The following FAM20A variants were observed in gnomAD, a reference collection of about 807,000 sequenced individuals.
FAM20A encodes pseudokinase FAM20A.
A neutral mutation model predicts 52.0 loss-of-function variants in FAM20A; 42 were observed. The ratio of observed to expected loss-of-function variants is 0.81; its 90% CI spans 0.63 to 1.04. The LOEUF is 1.04. Ranked by LOEUF, FAM20A falls within the 50% of genes least tolerant of loss-of-function variation. FAM20A has a pLI of 0.00. For synonymous variants in FAM20A, 304 were observed against 298.9 expected, an observed-to-expected ratio of 1.02 and a Z score of -0.18; for missense variants, 742 against 712.7, an observed-to-expected ratio of 1.04 and a Z score of -0.47.
intron 1 of FAM20A, among the ~76,000 whole-genome samples, chr17:68,595,994 C>CT (rs1222812456): frequency 6.6e-6 from 1 of 152,196 alleles, no homozygotes; most frequent in African/African-American, 2.4e-5. Context: ...CCCTTCTCCT[C>CT]TATCTGCCTT....
At position 68,548,268 on chromosome 17, in the gene FAM20A, G is replaced by A. The variant is rs569775747; in HGVS notation, c.719+3605C>T. 7.2e-5 allele frequency among the ~76,000 whole-genome samples: 11 copies of A among 152,064 alleles called. No homozygotes were observed. In the East Asian group the frequency reaches 1.7e-3, roughly 24 times the overall value. On this transcript the variant is annotated intron_variant, in intron 4 of 10. Coordinates refer to ENST00000592554, the MANE Select transcript of FAM20A (RefSeq NM_017565.4). ...AAATTAGCTGGGCATGGTGGCACAC[G>A]CCTATAATCCCAGCACTTTGGGAGG...
At chr17:68,580,475 C>G (rs1026788464) in intron 1 of FAM20A, among the ~76,000 whole-genome samples, 2 of 152,238 alleles carry the variant, frequency 1.3e-5, no homozygotes, top group Non-Finnish European at 1.5e-5. Context: ...CCTCTTGTTT[C>G]CACTCCAGCT....
rs1348951364 is a variant in FAM20A at position 68,535,963 on chromosome 17, A to G, written c.*1514T>C. ...TGAGATTTAAAGTTCTTCCATGCAC[A>G]TTGGAGGATGGGGGTTGTATCTGTG... On this transcript the variant is annotated 3_prime_UTR_variant, in exon 11 of 11. Coordinates refer to ENST00000592554, the MANE Select transcript of FAM20A (RefSeq NM_017565.4). 2 of 454,006 alleles carry G rather than the reference A, an allele frequency of 4.4e-6. No individual in the cohort carries two copies. Among genetic ancestry groups the G allele is most frequent in the African/African-American group, 2.0e-5 (1 of 49,996 alleles). The allele number at this position is 454,006 out of a possible 1,614,324, so 28.1% of individuals were successfully genotyped here. A position where few individuals can be genotyped will look rare whatever the true frequency, so the allele number is the denominator to read the frequency against.
intron 5 of FAM20A, among the ~76,000 whole-genome samples, chr17:68,543,149 T>C (rs746319566): frequency 3.9e-5 from 6 of 152,174 alleles, no homozygotes; most frequent in Non-Finnish European, 1.5e-5. Context: ...CAGGGTCTGA[T>C]TGAGTGGTTC....
At chr17:68,596,254 A>G (rs1238922899) in intron 1 of FAM20A, among the ~76,000 whole-genome samples, 7 of 152,038 alleles carry the variant, frequency 4.6e-5, no homozygotes, top group African/African-American at 1.7e-4. Flanking sequence ...TAATTGCAAG[A>G]CAATATAACC....
chr17:68,538,790 A>G (rs1400900611), intron 10 of FAM20A, among the ~76,000 whole-genome samples: 1 of 152,248 alleles, frequency 6.6e-6, no homozygotes, highest in Non-Finnish European at 1.5e-5. Context: ...TGGCAATTGA[A>G]AGGTTTAAAG....
chr17:68,598,380 C>G (rs1381391271), intron 1 of FAM20A, among the ~76,000 whole-genome samples: 1 of 152,244 alleles, frequency 6.6e-6, no homozygotes, highest in East Asian at 1.9e-4. Context: ...CATTTACTAT[C>G]CAGTTTGGGT....
intron 1 of FAM20A, among the ~76,000 whole-genome samples, chr17:68,599,115 G>GT (rs151186997): frequency 0.014 from 2,187 of 151,526 alleles, 60 homozygotes; most frequent in African/African-American, 0.051. Context: ...ATTTCTGAAG[G>GT]TTTTTTTTTC....
In FAM20A at chr17:68,540,829, G is replaced by T. The variant is rs1469310445; in HGVS notation, c.1219+20C>A. ...ATAGCAGAGCCCACTTCTGCTGGGG[G>T]CCTGCGTGTGGGGACCTACCTATCA... On this transcript the variant is annotated intron_variant, in intron 8 of 10. Coordinates refer to ENST00000592554, the MANE Select transcript of FAM20A (RefSeq NM_017565.4). 3 of 1,579,502 alleles carry T rather than the reference G, an allele frequency of 1.9e-6. No individual in the cohort carries two copies. Among genetic ancestry groups the T allele is most frequent in the Non-Finnish European group, 1.7e-6 (2 of 1,161,124 alleles).
Position 68,600,560 on chromosome 17 carries a change from C to T in FAM20A, c.107G>A (p.Arg36Gln), listed in dbSNP as rs1210185047. The change falls in exon 1 of 11, where the codon CGG becomes CAG. Residue 36 changes from arginine (R) to glutamine (Q), a missense_variant. Coordinates refer to ENST00000592554, the MANE Select transcript of FAM20A (RefSeq NM_017565.4). The surrounding 1 kb of genome is among the most constrained non-coding windows in gnomAD (Gnocchi z 6.2). ...HLWPQVQRQL[R>Q]PRERPRGCPC... ...GCACCCCCGCGGGCGCTCCCGAGGC[C>T]GCAGCTGGCGCTGTACTTGGGGCCA... 7.1e-6 allele frequency: 11 copies of T among 1,556,508 alleles called. No homozygotes were observed. The highest frequency in any genetic ancestry group is 1.9e-4 in the Middle Eastern group (1 of 5,384).
chr17:68,586,897 T>C (rs1568780336), intron 1 of FAM20A, among the ~76,000 whole-genome samples: 1 of 152,096 alleles, frequency 6.6e-6, no homozygotes, highest in Non-Finnish European at 1.5e-5. Context: ...ACTTTCTTTT[T>C]TTTTTTCCTT....
At chr17:68,570,356 G>A (rs910712738) in intron 1 of FAM20A, among the ~76,000 whole-genome samples, 1 of 152,200 alleles carries the variant, frequency 6.6e-6, no homozygotes, top group Admixed American at 6.5e-5. Context: ...TCACAGGTGT[G>A]AGCCACTACA....
At chr17:68,549,159 G>A (rs535393805) in intron 4 of FAM20A, among the ~76,000 whole-genome samples, 2 of 152,342 alleles carry the variant, frequency 1.3e-5, no homozygotes, top group East Asian at 3.9e-4. Context: ...AGAACTGAGA[G>A]TGGAGCTCAT....
intron 6 of FAM20A, 25 bp from the exon 7 acceptor site, chr17:68,542,190 G>T: frequency 6.2e-7 from 1 of 1,613,138 alleles, no homozygotes; most frequent in Non-Finnish European, 8.5e-7. Flanking sequence ...GGAGAGAGGA[G>T]GAGTAAGTGG....
At chr17:68,569,163 A>G (rs374365701) in intron 1 of FAM20A, among the ~76,000 whole-genome samples, 9 of 152,234 alleles carry the variant, frequency 5.9e-5, no homozygotes, top group African/African-American at 2.2e-4. Flanking sequence ...CTTTTGTGCA[A>G]AGGACTCATA....
In FAM20A at chr17:68,600,255, G is replaced by A; in HGVS notation, c.404+8C>T. The A allele has an allele frequency of 1.3e-6, 2 of 1,558,690 alleles. No individual in the cohort carries two copies. The highest frequency in any genetic ancestry group is 1.7e-6 in the Non-Finnish European group (2 of 1,151,878). On this transcript the variant is annotated splice_region_variant and intron_variant, in intron 1 of 10. Coordinates refer to ENST00000592554, the MANE Select transcript of FAM20A (RefSeq NM_017565.4). This position sits in a 1 kb window ranked among gnomAD's most constrained non-coding sequence, Gnocchi z 6.2. ...CCCGCTCTCCCGCGTCCCGGGCGGG[G>A]TCCTCACCTGTTCCAGCGGGCCACC...
rs773694730 is a variant in FAM20A at position 68,536,807 on chromosome 17, A to G, written c.*670T>C. 5.7e-5 allele frequency: 26 copies of G among 453,882 alleles called. No individual in the cohort carries two copies. The highest frequency in any genetic ancestry group is 9.7e-5 in the Non-Finnish European group (22 of 226,776). 28.1% of individuals were successfully genotyped at this position (453,882 alleles called of 1,614,324 possible). A position where few individuals can be genotyped will look rare whatever the true frequency, so the allele number is the denominator to read the frequency against. ...GTGTGACATATTTGATGTTATTTCAATTGTAATACTCTTCAAATTGGAACA... is the reference window on the plus strand; with the variant it reads ...GTGTGACATATTTGATGTTATTTCAGTTGTAATACTCTTCAAATTGGAACA... On this transcript the variant is annotated 3_prime_UTR_variant, in exon 11 of 11. Transcript: ENST00000592554.
At chr17:68,584,055 G>A (rs1345087178) in intron 1 of FAM20A, among the ~76,000 whole-genome samples, 4 of 152,192 alleles carry the variant, frequency 2.6e-5, no homozygotes, top group African/African-American at 9.7e-5. Context: ...GGTGGCTCAC[G>A]CCTGTATTCT....
At chr17:68,576,107 C>T (rs1014329171) in intron 1 of FAM20A, among the ~76,000 whole-genome samples, 1 of 152,162 alleles carries the variant, frequency 6.6e-6, no homozygotes, top group Non-Finnish European at 1.5e-5. Flanking sequence ...GCCCAGTGCT[C>T]AGCCAGCTCC....
Sources: allele counts gnomAD v4.1 joint callset (sites outside exome capture counted in the v4.1 genomes callset), GRCh38; gene constraint gnomAD v4.1.1; non-coding constraint Gnocchi (gnomAD v3.1); transcripts MANE v1.5; gene names NCBI Gene and HGNC (gene_info 2026-07-23, HGNC 2026-07-21).